The following CUTC variants were observed in gnomAD, a reference collection of about 807,000 sequenced individuals.
CUTC encodes cutC copper transporter.
Under a neutral mutation model 36.2 loss-of-function variants are expected in CUTC, and 27 were observed. That is an observed-to-expected ratio of 0.75 (90% CI 0.55 to 1.03). The LOEUF (loss-of-function observed/expected upper bound fraction) is 1.03. Ranked by LOEUF, CUTC falls within the 50% of genes least tolerant of loss-of-function variation. CUTC has a pLI of 0.00. For missense variants in CUTC, 315 were observed against 343.5 expected (o/e 0.92, Z 0.66); for synonymous variants, 114 against 118.3 (o/e 0.96, Z 0.24).
rs767648360 is a variant in CUTC, at chr10:99,736,243, T to C, written c.62-3T>C. ...AACTCTTACCATTCTCCATGTATTT[T>C]AGGAGCAGCAAATGGATTTCTCATG... On this transcript the variant is annotated splice_polypyrimidine_tract_variant and splice_region_variant and intron_variant, in intron 1 of 8. Coordinates refer to ENST00000370476, the MANE Select transcript of CUTC (RefSeq NM_015960.3). 4 of 1,613,156 alleles carry C rather than the reference T, an allele frequency of 2.5e-6. No homozygotes were observed. The highest frequency in any genetic ancestry group is 3.4e-6 in the Non-Finnish European group (4 of 1,179,128).
intron 5 of CUTC, among the ~76,000 whole-genome samples, chr10:99,745,821 C>T (rs549129661): frequency 1.4e-3 from 214 of 152,366 alleles, no homozygotes; most frequent in Middle Eastern, 3.4e-3. Context: ...CGTGCCACTG[C>T]ACTCCAGCCT....
chr10:99,745,996 C>G (rs975058137), intron 5 of CUTC, among the ~76,000 whole-genome samples: 6 of 152,168 alleles, frequency 3.9e-5, no homozygotes, highest in African/African-American at 1.4e-4. Context: ...TGAGCCAAGG[C>G]TTTTTCTAGA....
At chr10:99,753,938 A>G (rs1008141610) in intron 7 of CUTC, among the ~76,000 whole-genome samples, 3 of 152,238 alleles carry the variant, frequency 2.0e-5, no homozygotes, top group African/African-American at 7.2e-5. Flanking sequence ...AGTTCAGAAT[A>G]TGATTCTTTA....
At chr10:99,735,660 G>A (rs1407277539) in intron 1 of CUTC, among the ~76,000 whole-genome samples, 3 of 152,078 alleles carry the variant, frequency 2.0e-5, no homozygotes, top group African/African-American at 7.2e-5. Context: ...CACCCACCTC[G>A]GCCTCCCAAA....
intron 5 of CUTC, among the ~76,000 whole-genome samples, chr10:99,745,079 C>T (rs888376786): frequency 2.0e-5 from 3 of 152,148 alleles, no homozygotes; most frequent in Non-Finnish European, 4.4e-5. Flanking sequence ...AATTTCTATA[C>T]TCTTAGGCTA....
rs1411037007 is a variant in CUTC, at chr10:99,734,829, G to C, written c.62-1417G>C. On this transcript the variant is annotated intron_variant, in intron 1 of 8. Coordinates refer to ENST00000370476, the MANE Select transcript of CUTC (RefSeq NM_015960.3). Reference sequence around the variant, plus strand: ...AAAGACCTTACTTAGGAGGCCAGACGTGGTGGCTCATGCCTATAATCCCAG... The same window carrying C: ...AAAGACCTTACTTAGGAGGCCAGACCTGGTGGCTCATGCCTATAATCCCAG... Among the ~76,000 whole-genome samples the C allele has an allele frequency of 2.6e-5, 4 of 152,156 alleles. No homozygotes were observed. In the East Asian group the frequency reaches 5.8e-4, roughly 22 times the overall value.
chr10:99,744,221 T>C (rs1279882766), intron 5 of CUTC, 149 bp downstream of exon 5: 1 of 625,970 alleles, frequency 1.6e-6, no homozygotes, highest in Non-Finnish European at 2.7e-6. Context: ...GTTATAAAAG[T>C]AGAGATGTGC....
intron 6 of CUTC, among the ~76,000 whole-genome samples, chr10:99,747,951 A>G (rs763399893): frequency 9.2e-5 from 14 of 151,480 alleles, no homozygotes; most frequent in Non-Finnish European, 1.8e-4. Context: ...ATCTGTCAAT[A>G]TAAGAGGAAA....
At chr10:99,751,555 A>T (rs1330474374) in intron 7 of CUTC, among the ~76,000 whole-genome samples, 3 of 5,044 alleles carry the variant, frequency 5.9e-4, no homozygotes, top group Non-Finnish European at 2.6e-3. Context: ...GCTTTAAAAA[A>T]AAGTTACATT....
chr10:99,747,377 G>T lies in CUTC; in HGVS notation c.560G>T (p.Arg187Leu). Residue 187 changes from arginine (R) to leucine (L), a missense_variant, in exon 6 of 9, where the codon CGA (arginine) becomes CTA (leucine). By Grantham distance (102) the Arg-to-Leu change is moderately radical. Coordinates refer to ENST00000370476, the MANE Select transcript of CUTC (RefSeq NM_015960.3). ...SALEGLPLIK[R>L]LIEQAKGRIV... Reference sequence around the variant, plus strand: ...TTAGAAGGGCTACCCCTAATAAAGCGACTCATTGAGCAGGTACGTGGACTT... The same window carrying T: ...TTAGAAGGGCTACCCCTAATAAAGCTACTCATTGAGCAGGTACGTGGACTT... The T allele has an allele frequency of 1.2e-6, 2 of 1,614,154 alleles. No homozygotes were observed. The highest frequency in any genetic ancestry group is 2.2e-5 in the East Asian group (1 of 44,882).
chr10:99,751,799 A>G (rs578061024), intron 7 of CUTC, among the ~76,000 whole-genome samples: 116 of 152,336 alleles, frequency 7.6e-4, no homozygotes, highest in African/African-American at 2.6e-3. Flanking sequence ...CGGAGGTTGC[A>G]GTGTGCTGAG....
At chr10:99,754,193 A>G (rs554654358) in intron 7 of CUTC, among the ~76,000 whole-genome samples, 2 of 152,284 alleles carry the variant, frequency 1.3e-5, no homozygotes, top group Admixed American at 6.5e-5. Context: ...GTGCTTTTGT[A>G]GATTTTTTTC....
At chr10:99,751,417 C>T (rs2037416582) in intron 7 of CUTC, among the ~76,000 whole-genome samples, 3 of 152,180 alleles carry the variant, frequency 2.0e-5, no homozygotes, top group Non-Finnish European at 4.4e-5. Context: ...GACTTGAACT[C>T]TTAGCCTCAA....
At chr10:99,750,586 A>G (rs978156534) in intron 7 of CUTC, among the ~76,000 whole-genome samples, 190 bp downstream of exon 7, 6 of 152,316 alleles carry the variant, frequency 3.9e-5, no homozygotes, top group African/African-American at 1.4e-4. Context: ...AAAAGTTTAG[A>G]TAAGAAGGAA....
chr10:99,754,569 G>C lies in CUTC; in HGVS notation c.642G>C (p.Glu214Asp). The change falls in exon 8 of 9, where the codon GAG becomes GAC. Residue 214 changes from glutamate to aspartate, a missense_variant. By Grantham distance (45) the Glu-to-Asp change is conservative. Transcript: ENST00000370476. The part of the protein sequence containing the change: ...ITDRNLQRIL[E>D]GSGATEFHCS... Reference sequence around the variant, plus strand: ...ACAGAAATCTACAAAGGATCCTTGAGGGTTCAGGTGCTACAGAATTCCACT... The same window carrying C: ...ACAGAAATCTACAAAGGATCCTTGACGGTTCAGGTGCTACAGAATTCCACT... The C allele has an allele frequency of 6.2e-7, 1 of 1,613,784 alleles. No individual in the cohort carries two copies. The highest frequency in any genetic ancestry group is 8.5e-7 in the Non-Finnish European group (1 of 1,179,778).
At position 99,736,171 on chromosome 10, in the gene CUTC, T is replaced by C. The variant is rs74152742; in HGVS notation, c.62-75T>C. ...GGACATTTGCATTTTGGCAGCAGAA[T>C]GTAAACCCTTTGTGGTAAATTGGTC... On this transcript the variant is annotated intron_variant, in intron 1 of 8. Transcript: ENST00000370476. The C allele has an allele frequency of 3.2e-4, 396 of 1,248,482 alleles. 3 individuals carry two copies. In the African/African-American group the frequency reaches 5.2e-3, roughly 16 times the overall value. The allele number at this position is 1,248,482 out of a possible 1,614,324, so 77.3% of individuals were successfully genotyped here.
rs1012697951 is a variant in CUTC at position 99,732,402 on chromosome 10, G to A, written c.54G>A (p.Gly18=). 1 of 1,551,724 alleles carries A rather than the reference G, an allele frequency of 6.4e-7. No homozygotes were observed. Among genetic ancestry groups the A allele is most frequent in the Non-Finnish European group, 8.7e-7 (1 of 1,147,566 alleles). The change falls in exon 1 of 9, where the codon GGG becomes GGA. Residue 18 remains glycine (G), a synonymous_variant. Transcript: ENST00000370476. The part of the protein sequence containing the change: ...SERKRARIPS[G]KAGAANGFLM... ...GAAAACGAGCGCGGATACCGTCCGGGAAGGCCGGTGCGGAAGGTGGCGGGG... is the reference window on the plus strand; with the variant it reads ...GAAAACGAGCGCGGATACCGTCCGGAAAGGCCGGTGCGGAAGGTGGCGGGG...
At chr10:99,754,493 T>C (rs1183487185) in intron 7 of CUTC, 36 bp from the exon 8 acceptor site, 2 of 1,350,738 alleles carry the variant, frequency 1.5e-6, no homozygotes, top group Admixed American at 3.7e-5. Context: ...TGCAAAATTC[T>C]ATTTTACTTA....
At chr10:99,747,027 C>G (rs1017973836) in intron 5 of CUTC, among the ~76,000 whole-genome samples, 2 of 152,158 alleles carry the variant, frequency 1.3e-5, no homozygotes, top group Non-Finnish European at 2.9e-5. Flanking sequence ...CTCGGCCTCC[C>G]AAAATGCCAA....
Sources: allele counts gnomAD v4.1 joint callset (sites outside exome capture counted in the v4.1 genomes callset), GRCh38; gene constraint gnomAD v4.1.1; transcripts MANE v1.5; gene names NCBI Gene and HGNC (gene_info 2026-07-23, HGNC 2026-07-21).